VPS26C: variants seen among roughly 807,000 people sequenced by gnomAD.
VPS26C encodes the protein vacuolar protein sorting-associated protein 26C.
VPS26C carries 19 observed loss-of-function variants against 30.6 expected under a neutral mutation model. The observed-to-expected ratio is 0.62, with a 90% confidence interval of 0.43 to 0.91. The LOEUF is 0.91. Among genes scored for constraint, VPS26C ranks in the 40% least tolerant of loss-of-function variants. The pLI is 0.00. For missense variants in VPS26C, 318 were observed against 385.1 expected, an observed-to-expected ratio of 0.83 and a Z score of 1.46; for synonymous variants, 132 against 151.5, an observed-to-expected ratio of 0.87 and a Z score of 0.95.
rs888776309 is a variant in VPS26C at position 37,233,202 on chromosome 21, G to A, written c.432+160C>T. ...CCCAGGACAATGATGCACACGTGAT[G>A]CGCATGCCACCGACTGTCTCTGACC... On this transcript the variant is annotated intron_variant, in intron 4 of 7. Coordinates refer to ENST00000309117, the MANE Select transcript of VPS26C (RefSeq NM_006052.2). The surrounding 1 kb of genome is among the most constrained non-coding windows in gnomAD (Gnocchi z 5.2). The A allele has an allele frequency of 1.5e-4, 97 of 643,562 alleles. No homozygotes were observed. Among genetic ancestry groups the A allele is most frequent in the Non-Finnish European group, 2.3e-4 (82 of 361,784 alleles). The allele number at this position is 643,562 out of a possible 1,614,324, so 39.9% of individuals were successfully genotyped here.
At chr21:37,231,869 G>C (rs535935856) in intron 5 of VPS26C, 1 of 155,798 alleles carries the variant, frequency 6.4e-6, no homozygotes, top group East Asian at 1.9e-4. Context: ...CTGCCCAGGC[G>C]TCTGTGTCCT....
intron 1 of VPS26C, among the ~76,000 whole-genome samples, chr21:37,244,261 C>T (rs1483797730): frequency 2.0e-5 from 3 of 152,234 alleles, no homozygotes; most frequent in African/African-American, 7.2e-5. Context: ...ACTTTGTATT[C>T]TCTTTTTTTT....
rs375877407 is a variant in VPS26C, at chr21:37,255,851, ATT to A, written c.57+11385_57+11386del. ...TTTAAAGCCTCATTCTATGCACTGC[ATT>A]TTTTTTTTTTTTTTTTTTTAGATAG... On this transcript the variant is annotated intron_variant, in intron 1 of 7. Transcript: ENST00000309117. 4.8e-3 allele frequency among the ~76,000 whole-genome samples: 521 copies of A among 108,454 alleles called. 2 individuals carry two copies. Among genetic ancestry groups the A allele is most frequent in the Non-Finnish European group, 7.0e-3 (417 of 59,494 alleles). 71.2% of individuals were successfully genotyped at this position (108,454 alleles called of 152,430 possible). A position where few individuals can be genotyped will look rare whatever the true frequency, so the allele number is the denominator to read the frequency against.
chr21:37,264,736 A>C (rs1313826473), intron 1 of VPS26C, among the ~76,000 whole-genome samples: 1 of 152,194 alleles, frequency 6.6e-6, no homozygotes, highest in Non-Finnish European at 1.5e-5. Flanking sequence ...TTTGGAAAAT[A>C]ATTTGGCAAC....
intron 1 of VPS26C, among the ~76,000 whole-genome samples, chr21:37,250,304 T>TAA (rs879721399): frequency 7.0e-6 from 1 of 141,960 alleles, no homozygotes. Flanking sequence ...GACTCTCTCT[T>TAA]AAAAAAAAAA....
intron 1 of VPS26C, among the ~76,000 whole-genome samples, chr21:37,241,449 G>T (rs77077239): frequency 2.6e-5 from 4 of 152,158 alleles, no homozygotes; most frequent in Non-Finnish European, 5.9e-5. Context: ...ACAGGGGCTC[G>T]AGTGGAAGAG....
intron 1 of VPS26C, among the ~76,000 whole-genome samples, chr21:37,259,732 TCTC>T (rs2086285095): frequency 6.6e-6 from 1 of 152,066 alleles, no homozygotes; most frequent in Admixed American, 6.6e-5. Flanking sequence ...CTCCGTATGT[TCTC>T]CTTGGTCACT....
At chr21:37,248,025 GTAT>G (rs2086154463) in intron 1 of VPS26C, among the ~76,000 whole-genome samples, 1 of 152,040 alleles carries the variant, frequency 6.6e-6, no homozygotes, top group Non-Finnish European at 1.5e-5. Flanking sequence ...AAAAGACGTG[GTAT>G]TATTATCTGC....
chr21:37,240,251 T>C (rs2086071234), intron 2 of VPS26C, among the ~76,000 whole-genome samples: 1 of 152,066 alleles, frequency 6.6e-6, no homozygotes, highest in Non-Finnish European at 1.5e-5. Flanking sequence ...GCCTCCTGAG[T>C]AGCTGGGACT....
chr21:37,244,726 G>A (rs193255761), intron 1 of VPS26C, among the ~76,000 whole-genome samples: 66 of 152,268 alleles, frequency 4.3e-4, no homozygotes, highest in Non-Finnish European at 8.1e-4. Flanking sequence ...CATTTTCGGC[G>A]AGGCAAGGAG....
rs2085898034 is a variant in VPS26C, at chr21:37,226,242, C to T, written c.812-616G>A. The T allele has an allele frequency of 6.5e-6, 1 of 153,746 alleles. No homozygotes were observed. Among genetic ancestry groups the T allele is most frequent in the Non-Finnish European group, 1.4e-5 (1 of 69,004 alleles). The allele number at this position is 153,746 out of a possible 1,614,324, so 9.5% of individuals were successfully genotyped here. On this transcript the variant is annotated intron_variant, in intron 7 of 7. Transcript: ENST00000309117. The surrounding 1 kb of genome is among the most constrained non-coding windows in gnomAD (Gnocchi z 4.1). ...ACCTGACGACAAACAAGCACCATCT[C>T]CTTCCCCAGTGTGAGGAGGGGTGGG...
rs115032961 is a variant in VPS26C at position 37,241,644 on chromosome 21, T to A, written c.58-1005A>T. On this transcript the variant is annotated intron_variant, in intron 1 of 7. Coordinates refer to ENST00000309117, the MANE Select transcript of VPS26C (RefSeq NM_006052.2). ...ACCAGCCTGGGTAACATAGCGAGAC[T>A]CCATCTCTACAAATAATAAGAAAAA... is the stretch of plus-strand genomic sequence containing the variant. Among the ~76,000 whole-genome samples the A allele has an allele frequency of 5.2e-3, 785 of 152,118 alleles. 7 individuals carry two copies. Among genetic ancestry groups the A allele is most frequent in the African/African-American group, 0.018 (760 of 41,466 alleles).
chr21:37,241,274 G>A (rs375647748), intron 1 of VPS26C, among the ~76,000 whole-genome samples: 2 of 152,142 alleles, frequency 1.3e-5, no homozygotes, highest in Admixed American at 6.5e-5. Context: ...AGGCATCGGC[G>A]CCTCCATTCC....
chr21:37,234,078 G>A (rs1208180570), intron 3 of VPS26C, among the ~76,000 whole-genome samples: 2 of 152,244 alleles, frequency 1.3e-5, no homozygotes, highest in African/African-American at 2.4e-5. Context: ...TGAGTGCATA[G>A]CACTGCCCTG....
chr21:37,235,828 T>C (rs558284052), intron 3 of VPS26C, among the ~76,000 whole-genome samples: 324 of 141,738 alleles, frequency 2.3e-3, no homozygotes, highest in Admixed American at 6.0e-3. Context: ...TACATATACA[T>C]ATATATGTGT....
chr21:37,238,735 G>T, intron 2 of VPS26C, 126 bp from the exon 3 acceptor site: 1 of 1,068,474 alleles, frequency 9.4e-7, no homozygotes, highest in Non-Finnish European at 1.4e-6. Flanking sequence ...GTCTTCGGCA[G>T]CTCTGCGCTG....
chr21:37,261,829 G>A (rs1196848015), intron 1 of VPS26C: 1 of 151,954 alleles, frequency 6.6e-6, no homozygotes. Flanking sequence ...AAGGTCCTTT[G>A]GAGCAGGGTC....
rs745963841 is a variant in VPS26C at position 37,257,928 on chromosome 21, TGCAGCGCCCACCAGCCG to T, written c.57+9293_57+9309del. 8.2e-5 allele frequency among the ~76,000 whole-genome samples: 12 copies of T among 147,120 alleles called. No individual in the cohort carries two copies. Among genetic ancestry groups the T allele is most frequent in the South Asian group, 6.2e-4 (3 of 4,826 alleles). ...CGAGGCAGGGGACAGTGAAGCACCA[TGCAGCGCCCACCAGCCG>T]GCAGCGCCCACCAGCCTGCGCTGCG... On this transcript the variant is annotated intron_variant, in intron 1 of 7. Coordinates refer to ENST00000309117, the MANE Select transcript of VPS26C (RefSeq NM_006052.2). This position sits in a 1 kb window ranked among gnomAD's most constrained non-coding sequence, Gnocchi z 4.2.
At position 37,255,851 on chromosome 21, in the gene VPS26C, A is replaced by ATTTTTTTTTTTTTTTTT. The variant is rs375877407; in HGVS notation, c.57+11370_57+11386dup. ...TTTAAAGCCTCATTCTATGCACTGC[A>ATTTTTTTTTTTTTTTTT]TTTTTTTTTTTTTTTTTTTTTAGAT... On this transcript the variant is annotated intron_variant, in intron 1 of 7. Coordinates refer to ENST00000309117, the MANE Select transcript of VPS26C (RefSeq NM_006052.2). 8.9e-4 allele frequency among the ~76,000 whole-genome samples: 96 copies of ATTTTTTTTTTTTTTTTT among 108,458 alleles called. 17 individuals are homozygous for ATTTTTTTTTTTTTTTTT. The highest frequency in any genetic ancestry group is 4.0e-3 in the African/African-American group (87 of 21,884). The allele number at this position is 108,458 out of a possible 152,430, so 71.2% of individuals were successfully genotyped here. A position where few individuals can be genotyped will look rare whatever the true frequency, so the allele number is the denominator to read the frequency against.
Sources: allele counts gnomAD v4.1 joint callset (sites outside exome capture counted in the v4.1 genomes callset), GRCh38; gene constraint gnomAD v4.1.1; non-coding constraint Gnocchi (gnomAD v3.1); transcripts MANE v1.5; gene names NCBI Gene and HGNC (gene_info 2026-07-23, HGNC 2026-07-21).